The following EGLN1 variants were observed in gnomAD, a reference collection of about 807,000 sequenced individuals.
EGLN1 encodes egl nine homolog 1.
EGLN1 carries 17 observed loss-of-function variants against 38.3 expected under a neutral mutation model. The ratio of observed to expected loss-of-function variants is 0.44; its 90% CI spans 0.30 to 0.67. The LOEUF is 0.67. EGLN1 is among the 30% of genes least tolerant of loss of function. The pLI is 0.08. For missense variants in EGLN1, 477 were observed against 603.3 expected (o/e 0.79, Z 2.19); for synonymous variants, 283 against 257.5 (o/e 1.10, Z -0.95).
In EGLN1 at chr1:231,373,966, A is replaced by G; in HGVS notation, c.1011+14T>C. ...CCTGTAAGAAAAAAATAAATGCTCA[A>G]TTAAGTTGCATACCTTGGCATCCCA... On this transcript the variant is annotated intron_variant, in intron 2 of 4. Coordinates refer to ENST00000366641, the MANE Select transcript of EGLN1 (RefSeq NM_022051.3). 10 of 1,613,564 alleles carry G rather than the reference A, an allele frequency of 6.2e-6. No homozygotes were observed. The highest frequency in any genetic ancestry group is 8.5e-6 in the Non-Finnish European group (10 of 1,179,662).
intron 2 of EGLN1, among the ~76,000 whole-genome samples, chr1:231,371,013 G>A (rs903621357): frequency 1.3e-5 from 2 of 152,052 alleles, no homozygotes; most frequent in African/African-American, 2.4e-5. Context: ...TCTCAGCATC[G>A]CGAGTAGCTG....
chr1:231,417,752 T>C (rs991676188), intron 1 of EGLN1, among the ~76,000 whole-genome samples: 2 of 152,174 alleles, frequency 1.3e-5, no homozygotes, highest in Non-Finnish European at 2.9e-5. Flanking sequence ...TTTAAAGTAG[T>C]TGCATAAACA....
rs1336467870 is a variant in EGLN1 at position 231,421,244 on chromosome 1, G to T, written c.645C>A (p.Gly215=). Residue 215 remains glycine, a synonymous_variant, in exon 1 of 5, where the codon GGC becomes GGA. Transcript: ENST00000366641. The surrounding 1 kb of genome is among the most constrained non-coding windows in gnomAD (Gnocchi z 5.5). ...HGICVVDDFL[G]KETGQQIGDE... ...CGCCGATCTGCTGTCCGGTCTCCTT[G>T]CCGAGGAAGTCGTCCACCACACAGA... is the stretch of plus-strand genomic sequence containing the variant. 1.2e-6 allele frequency: 2 copies of T among 1,613,872 alleles called. No individual in the cohort carries two copies. Among genetic ancestry groups the T allele is most frequent in the South Asian group, 2.2e-5 (2 of 91,080 alleles).
intron 1 of EGLN1, among the ~76,000 whole-genome samples, chr1:231,414,299 A>G (rs1689021689): frequency 6.6e-6 from 1 of 152,194 alleles, no homozygotes; most frequent in African/African-American, 2.4e-5. Context: ...GGGTAGCTTT[A>G]AAGGCCTAAA....
intron 1 of EGLN1, among the ~76,000 whole-genome samples, chr1:231,396,522 G>C (rs1445234909): frequency 6.6e-6 from 1 of 152,076 alleles, no homozygotes; most frequent in African/African-American, 2.4e-5. Flanking sequence ...AAAGTGCTGG[G>C]ATTACAGGTG....
intron 1 of EGLN1, among the ~76,000 whole-genome samples, chr1:231,416,439 T>A (rs1689085349): frequency 6.6e-6 from 1 of 151,370 alleles, no homozygotes; most frequent in South Asian, 2.1e-4. Context: ...AAAAAAAATT[T>A]TTTTTTTTTT....
intron 1 of EGLN1, among the ~76,000 whole-genome samples, chr1:231,403,752 A>G (rs913035678): frequency 1.3e-4 from 18 of 135,074 alleles, no homozygotes; most frequent in Non-Finnish European, 2.3e-4. Flanking sequence ...TGGTCAACAG[A>G]GCCAGACTCC....
chr1:231,389,762 C>T (rs1322011201), intron 1 of EGLN1, among the ~76,000 whole-genome samples: 2 of 152,280 alleles, frequency 1.3e-5, no homozygotes, highest in African/African-American at 4.8e-5. Flanking sequence ...TCCTGCCCAA[C>T]ATGGTGAAAC....
intron 1 of EGLN1, among the ~76,000 whole-genome samples, chr1:231,384,733 C>T (rs1688154337): frequency 6.6e-6 from 1 of 152,130 alleles, no homozygotes; most frequent in Admixed American, 6.5e-5. Context: ...GTCTGGTTGC[C>T]ATGTAGAGCA....
chr1:231,394,347 C>T (rs940159901), intron 1 of EGLN1, among the ~76,000 whole-genome samples: 2 of 151,590 alleles, frequency 1.3e-5, no homozygotes, highest in Non-Finnish European at 2.9e-5. Context: ...CTCCATTGCT[C>T]ACCTCTCTCA....
intron 1 of EGLN1, among the ~76,000 whole-genome samples, chr1:231,377,300 G>C (rs570795309): frequency 6.6e-6 from 1 of 152,290 alleles, no homozygotes; most frequent in African/African-American, 2.4e-5. Context: ...CAGGGAATCT[G>C]GTTCCAGAAC....
chr1:231,383,191 AGAACTCAGT>A (rs1688116722), intron 1 of EGLN1, among the ~76,000 whole-genome samples: 1 of 151,874 alleles, frequency 6.6e-6, no homozygotes, highest in South Asian at 2.1e-4. Context: ...TGTGTGTGGC[AGAACTCAGT>A]GTGAGTTTTG....
chr1:231,396,763 T>A (rs1423506721), intron 1 of EGLN1, among the ~76,000 whole-genome samples: 1 of 152,162 alleles, frequency 6.6e-6, no homozygotes, highest in Non-Finnish European at 1.5e-5. Flanking sequence ...GGCCTTCACA[T>A]TACTCTTCTT....
intron 1 of EGLN1, among the ~76,000 whole-genome samples, chr1:231,415,452 T>A (rs892882149): frequency 6.6e-6 from 1 of 151,304 alleles, no homozygotes; most frequent in Admixed American, 6.6e-5. Context: ...TCTTCTCTTT[T>A]AAAAAAAAAT....
rs914321399 is a variant in EGLN1, at chr1:231,421,473, G to A, written c.416C>T (p.Ala139Val). The A allele has an allele frequency of 8.3e-6, 12 of 1,451,676 alleles. No individual in the cohort carries two copies. Among genetic ancestry groups the A allele is most frequent in the Non-Finnish European group, 1.1e-5 (12 of 1,102,404 alleles). 89.9% of individuals were successfully genotyped at this position (1,451,676 alleles called of 1,614,324 possible). A position where few individuals can be genotyped will look rare whatever the true frequency, so the allele number is the denominator to read the frequency against. The change falls in exon 1 of 5, where the codon GCT becomes GTT. Residue 139 changes from alanine to valine, a missense_variant. Around this residue, in one of 4 missense-constraint regions of EGLN1, gnomAD observed 298 missense variants for 288.9 expected, o/e 1.03. Coordinates refer to ENST00000366641, the MANE Select transcript of EGLN1 (RefSeq NM_022051.3). This position sits in a 1 kb window ranked among gnomAD's most constrained non-coding sequence, Gnocchi z 5.5. ...CTCCTTGCCGGGCTCGGCTTCGGCA[G>A]CCACCGCCGAGCCCTGGCCGCCGGC... is the stretch of plus-strand genomic sequence containing the variant. ...AAAGGQGSAV[A>V]AEAEPGKEEP...
At position 231,365,758 on chromosome 1, in the gene EGLN1, A is replaced by AT. The variant is rs1222033539; in HGVS notation, c.*652dup. ...TTACAATTAGGTTTCGTTATTGACA[A>AT]TGTCAAAAAAAAAGCAGCAATCTTT... On this transcript the variant is annotated 3_prime_UTR_variant, in exon 5 of 5. Coordinates refer to ENST00000366641, the MANE Select transcript of EGLN1 (RefSeq NM_022051.3). 1 of 150,556 alleles carries AT rather than the reference A, an allele frequency of 6.6e-6. No homozygotes were observed. The highest frequency in any genetic ancestry group is 1.5e-5 in the Non-Finnish European group (1 of 67,262). The allele number at this position is 150,556 out of a possible 1,614,324, so 9.3% of individuals were successfully genotyped here. A position where few individuals can be genotyped will look rare whatever the true frequency, so the allele number is the denominator to read the frequency against.
At chr1:231,367,977 T>C (rs1218134800) in intron 3 of EGLN1, among the ~76,000 whole-genome samples, 2 of 152,054 alleles carry the variant, frequency 1.3e-5, no homozygotes, top group Admixed American at 1.3e-4. Context: ...AAGTCAGGAC[T>C]TCGAGACCAA....
chr1:231,405,679 C>T (rs1688770422), intron 1 of EGLN1, among the ~76,000 whole-genome samples: 1 of 152,022 alleles, frequency 6.6e-6, no homozygotes, highest in African/African-American at 2.4e-5. Flanking sequence ...CTTCTGTCCA[C>T]AAACATCTTC....
At chr1:231,370,447 A>G in intron 3 of EGLN1, 115 bp downstream of exon 3, 1 of 1,080,732 alleles carries the variant, frequency 9.3e-7, no homozygotes, top group Middle Eastern at 3.0e-4. Context: ...AATTAAAATG[A>G]CTGTGAAAAG....
Sources: gnomAD v4.1 joint callset for allele counts (sites outside exome capture counted in the v4.1 genomes callset) on GRCh38, gnomAD v4.1.1 for gene constraint, gnomAD v4.1.1 regional missense constraint, Gnocchi (gnomAD v3.1) non-coding constraint, MANE v1.5 for transcripts, NCBI Gene and HGNC (gene_info 2026-07-23, HGNC 2026-07-21) for gene names.